Variants in ADGRE5 observed in about 807,000 individuals in gnomAD.
ADGRE5 encodes adhesion G protein-coupled receptor E5.
A neutral mutation model predicts 100.3 loss-of-function variants in ADGRE5; 72 were observed. The observed-to-expected ratio is 0.72, with a 90% confidence interval of 0.59 to 0.87. The LOEUF (loss-of-function observed/expected upper bound fraction) is 0.87, where lower values mean the gene tolerates loss of function less well. Among genes scored for constraint, ADGRE5 ranks in the 40% least tolerant of loss-of-function variants. ADGRE5 has a pLI of 0.00. For synonymous variants in ADGRE5, 439 were observed against 447.8 expected, an observed-to-expected ratio of 0.98 and a Z score of 0.25; for missense variants, 959 against 1,094.7, an observed-to-expected ratio of 0.88 and a Z score of 1.75.
rs866578506 is a variant in ADGRE5, at chr19:14,406,359, G to A, written c.1850G>A (p.Gly617Glu). Residue 617 changes from glycine to glutamate, a missense_variant, in exon 15 of 20, where the codon GGG becomes GAG. By Grantham distance (98) the Gly-to-Glu change is moderately conservative. This residue lies in a region of ADGRE5 where 428 missense variants were observed against 386.2 expected (regional missense o/e 1.11). Coordinates refer to ENST00000242786, the MANE Select transcript of ADGRE5 (RefSeq NM_078481.4). This position sits in a 1 kb window ranked among gnomAD's most constrained non-coding sequence, Gnocchi z 6.0. ...GGGCTGCGCTGCCGCCTGGTGGCCG[G>A]GCTGCTGCACTACTGTTTCCTGGCC... ...QVGLRCRLVA[G>E]LLHYCFLAAF... 1.9e-6 allele frequency: 3 copies of A among 1,579,438 alleles called. No homozygotes were observed.
At position 14,406,174 on chromosome 19, in the gene ADGRE5, G is replaced by T. The variant is rs1292620617; in HGVS notation, c.1822-157G>T. 6.6e-6 allele frequency among the ~76,000 whole-genome samples: 1 copy of T among 152,160 alleles called. No homozygotes were observed. The highest frequency in any genetic ancestry group is 2.4e-5 in the African/African-American group (1 of 41,440). On this transcript the variant is annotated intron_variant, in intron 14 of 19. Coordinates refer to ENST00000242786, the MANE Select transcript of ADGRE5 (RefSeq NM_078481.4). This position sits in a 1 kb window ranked among gnomAD's most constrained non-coding sequence, Gnocchi z 6.0. ...CCCGCTCGCTTCTGAGCGTTGTTGG[G>T]GGTGGGCCCTGGGGGGAAACCTGGC...
chr19:14,393,676 C>T (rs1053459438), intron 4 of ADGRE5, among the ~76,000 whole-genome samples: 1 of 152,194 alleles, frequency 6.6e-6, no homozygotes, highest in Non-Finnish European at 1.5e-5. Flanking sequence ...GCCCTGCATT[C>T]AGGCAGAGCA....
intron 4 of ADGRE5, among the ~76,000 whole-genome samples, chr19:14,393,672 C>G (rs1190235760): frequency 2.0e-5 from 3 of 152,210 alleles, no homozygotes; most frequent in African/African-American, 7.2e-5. Flanking sequence ...TCCTGCCCTG[C>G]ATTCAGGCAG....
intron 14 of ADGRE5, 26 bp downstream of exon 14, chr19:14,405,965 G>C (rs1349333937): frequency 1.3e-6 from 2 of 1,583,094 alleles, no homozygotes; most frequent in Admixed American, 3.4e-5. Context: ...GCTCCCTCCT[G>C]AGCTCTGGGG....
At chr19:14,390,061 A>C (rs1330017668) in intron 3 of ADGRE5, among the ~76,000 whole-genome samples, 1 of 138,534 alleles carries the variant, frequency 7.2e-6, no homozygotes, top group Non-Finnish European at 1.6e-5. Context: ...GGGCAACAAG[A>C]GTGAAACTCT....
At chr19:14,387,067 A>C (rs995503840) in intron 1 of ADGRE5, among the ~76,000 whole-genome samples, 1 of 152,168 alleles carries the variant, frequency 6.6e-6, no homozygotes, top group African/African-American at 2.4e-5. Context: ...TGAAGATGGC[A>C]GTAAATGCTC....
At chr19:14,399,038 G>A (rs965781235) in intron 9 of ADGRE5, among the ~76,000 whole-genome samples, 1 of 151,092 alleles carries the variant, frequency 6.6e-6, no homozygotes, top group Admixed American at 6.6e-5. Context: ...TATAGATGGG[G>A]GTCTTGCTAT....
chr19:14,403,097 C>T (rs1976081772), intron 12 of ADGRE5, among the ~76,000 whole-genome samples: 1 of 152,148 alleles, frequency 6.6e-6, no homozygotes, highest in Non-Finnish European at 1.5e-5. Context: ...GGCTGGAGTG[C>T]AGTGGCACGT....
At chr19:14,398,585 C>G (rs4468742) in intron 9 of ADGRE5, among the ~76,000 whole-genome samples, 97,477 of 149,740 alleles carry the variant, frequency 0.65, 31,940 homozygotes, top group Admixed American at 0.73. Flanking sequence ...TGAGGCAGGA[C>G]AATGACGTGA....
chr19:14,408,077 G>A lies in ADGRE5; in HGVS notation c.2479-15G>A. On this transcript the variant is annotated splice_polypyrimidine_tract_variant and intron_variant, in intron 19 of 19. Coordinates refer to ENST00000242786, the MANE Select transcript of ADGRE5 (RefSeq NM_078481.4). ...AGGGCTAGCGGGGCTCAGGCCTCTG[G>A]GCTCTCCTCTCCAGGCCCTCAGGGC... 1 of 1,614,022 alleles carries A rather than the reference G, an allele frequency of 6.2e-7. No individual in the cohort carries two copies. The highest frequency in any genetic ancestry group is 8.5e-7 in the Non-Finnish European group (1 of 1,180,004).
rs1976063689 is a variant in ADGRE5, at chr19:14,402,701, T to C, written c.1288T>C (p.Tyr430His). ...SKKQAELEEI[Y>H]ESSIRGVQLR... ...GAAGCAAGCCGAACTGGAGGAGATA[T>C]ATGAAAGCAGCATCCGTGGTGTCCA... Residue 430 changes from tyrosine (Y) to histidine (H), a missense_variant, in exon 12 of 20, where the codon TAT (tyrosine) becomes CAT (histidine). This residue lies in a region of ADGRE5 where 246 missense variants were observed against 242.2 expected (regional missense o/e 1.02). Coordinates refer to ENST00000242786, the MANE Select transcript of ADGRE5 (RefSeq NM_078481.4). 5.6e-6 allele frequency: 9 copies of C among 1,614,092 alleles called. No individual in the cohort carries two copies. The highest frequency in any genetic ancestry group is 6.8e-6 in the Non-Finnish European group (8 of 1,180,030).
Position 14,406,126 on chromosome 19 carries a change from G to A in ADGRE5, c.1821+187G>A, listed in dbSNP as rs572682780. 6.6e-6 allele frequency among the ~76,000 whole-genome samples: 1 copy of A among 152,266 alleles called. No individual in the cohort carries two copies. Among genetic ancestry groups the A allele is most frequent in the East Asian group, 1.9e-4 (1 of 5,158 alleles). On this transcript the variant is annotated intron_variant, in intron 14 of 19. Coordinates refer to ENST00000242786, the MANE Select transcript of ADGRE5 (RefSeq NM_078481.4). The surrounding 1 kb of genome is among the most constrained non-coding windows in gnomAD (Gnocchi z 6.0). The stretch of plus-strand genomic sequence containing the variant: ...CTCTTTAAAGGGCGCTGGCTTTGGA[G>A]CTGCCTGGCCACACCCCGAGTGCCC...
At chr19:14,393,741 G>C (rs897440402) in intron 4 of ADGRE5, among the ~76,000 whole-genome samples, 1 of 152,188 alleles carries the variant, frequency 6.6e-6, no homozygotes, top group East Asian at 1.9e-4. Flanking sequence ...GCATATACCT[G>C]GGACGTACAC....
rs1225462818 is a variant in ADGRE5, at chr19:14,405,744, C to G, written c.1630-4C>G. On this transcript the variant is annotated splice_polypyrimidine_tract_variant and splice_region_variant and intron_variant, in intron 13 of 19. Coordinates refer to ENST00000242786, the MANE Select transcript of ADGRE5 (RefSeq NM_078481.4). Reference sequence around the variant, plus strand: ...GAACCCTGAGCACCCGGTGCCACTCCTAGGACTGGAAGCTGACCCTGATCA... The same window carrying G: ...GAACCCTGAGCACCCGGTGCCACTCGTAGGACTGGAAGCTGACCCTGATCA... The G allele has an allele frequency of 6.2e-7, 1 of 1,610,428 alleles. No homozygotes were observed. The highest frequency in any genetic ancestry group is 8.5e-7 in the Non-Finnish European group (1 of 1,177,808).
Position 14,408,353 on chromosome 19 carries a change from G to A in ADGRE5, c.*232G>A. The A allele has an allele frequency of 1.6e-6, 1 of 620,062 alleles. No individual in the cohort carries two copies. The allele number at this position is 620,062 out of a possible 1,614,324, so 38.4% of individuals were successfully genotyped here. On this transcript the variant is annotated 3_prime_UTR_variant, in exon 20 of 20. Coordinates refer to ENST00000242786, the MANE Select transcript of ADGRE5 (RefSeq NM_078481.4). ...GCTGGCTGCCTCTCTGCTCCACCTT[G>A]TGACCCAGGGTGGGGACAGGGGCTG...
chr19:14,403,047 A>C (rs547269160), intron 12 of ADGRE5, among the ~76,000 whole-genome samples, 185 bp downstream of exon 12: 2 of 151,688 alleles, frequency 1.3e-5, no homozygotes, highest in African/African-American at 2.4e-5. Context: ...TTAATTAATT[A>C]ATTTATTTAT....
intron 9 of ADGRE5, among the ~76,000 whole-genome samples, chr19:14,400,311 C>T (rs569631496): frequency 2.6e-4 from 40 of 151,968 alleles, no homozygotes; most frequent in African/African-American, 8.0e-4. Context: ...TGAGCCACCG[C>T]GCCCAGCCAT....
Position 14,408,697 on chromosome 19 carries a change from CTTAAAA to C in ADGRE5, c.*582_*587del, listed in dbSNP as rs369154311. On this transcript the variant is annotated 3_prime_UTR_variant, in exon 20 of 20. Coordinates refer to ENST00000242786, the MANE Select transcript of ADGRE5 (RefSeq NM_078481.4). ...CTGTTAAAATTTTTCAGTGTTGACA[CTTAAAA>C]TTAAACACATGCATACAGAAGATGG... 2.9e-4 allele frequency: 162 copies of C among 564,218 alleles called. 1 individual carries two copies. Among genetic ancestry groups the C allele is most frequent in the South Asian group, 2.0e-3 (66 of 33,284 alleles). 35.0% of individuals were successfully genotyped at this position (564,218 alleles called of 1,614,324 possible).
chr19:14,396,162 A>T (rs1258585032), intron 4 of ADGRE5, 180 bp from the exon 5 acceptor site: 24 of 1,130,218 alleles, frequency 2.1e-5, no homozygotes, highest in Non-Finnish European at 3.0e-5. Context: ...TTCCAGCCAC[A>T]TCTGGACAAC....
Sources: gnomAD v4.1 joint callset for allele counts (sites outside exome capture counted in the v4.1 genomes callset) on GRCh38, gnomAD v4.1.1 for gene constraint, gnomAD v4.1.1 regional missense constraint, Gnocchi (gnomAD v3.1) non-coding constraint, MANE v1.5 for transcripts, NCBI Gene and HGNC (gene_info 2026-07-23, HGNC 2026-07-21) for gene names.